The following CABIN1 variants were observed in gnomAD, a reference collection of about 807,000 sequenced individuals.
CABIN1 encodes the protein calcineurin-binding protein cabin-1.
Under a neutral mutation model 227.7 loss-of-function variants are expected in CABIN1, and 133 were observed. The ratio of observed to expected loss-of-function variants is 0.58; its 90% CI spans 0.51 to 0.67. The LOEUF is 0.67. Among genes scored for constraint, CABIN1 ranks in the 30% least tolerant of loss-of-function variants. CABIN1 has a pLI of 0.00. For synonymous variants in CABIN1, 1,086 were observed against 1,155.1 expected (o/e 0.94, Z 1.21); for missense variants, 2,408 against 2,852.5 (o/e 0.84, Z 3.55).
At chr22:24,028,018 A>G (rs929246240) in intron 1 of CABIN1, among the ~76,000 whole-genome samples, 16 of 152,106 alleles carry the variant, frequency 1.1e-4, no homozygotes, top group African/African-American at 3.9e-4. Context: ...AATAAAGTGA[A>G]TATCTATCAC....
intron 26 of CABIN1, 136 bp from the exon 27 acceptor site, chr22:24,113,430 G>A (rs1372468344): frequency 1.1e-5 from 9 of 837,706 alleles, no homozygotes; most frequent in South Asian, 2.7e-5. Flanking sequence ...CAGCAGTGTC[G>A]AATGGCTGTG....
intron 29 of CABIN1, among the ~76,000 whole-genome samples, chr22:24,154,402 G>T (rs1343878711): frequency 6.6e-6 from 1 of 152,314 alleles, no homozygotes; most frequent in East Asian, 1.9e-4. Context: ...CCAGTGTCCA[G>T]TGTTTCTGAA....
At chr22:24,051,657 T>G (rs539184673) in intron 8 of CABIN1, among the ~76,000 whole-genome samples, 2 of 152,306 alleles carry the variant, frequency 1.3e-5, no homozygotes, top group African/African-American at 4.8e-5. Context: ...CTGCCTACTC[T>G]GAGGGAGCTC....
At chr22:24,044,518 A>G (rs1226396788) in intron 6 of CABIN1, among the ~76,000 whole-genome samples, 2 of 152,310 alleles carry the variant, frequency 1.3e-5, no homozygotes, top group South Asian at 2.1e-4. Context: ...GGATAGACAG[A>G]ATTTTCTAAA....
chr22:24,067,632 G>A (rs148065248), intron 16 of CABIN1, among the ~76,000 whole-genome samples: 1 of 152,310 alleles, frequency 6.6e-6, no homozygotes, highest in African/African-American at 2.4e-5. Context: ...GAAACCTCGT[G>A]TGCCCTCCTG....
chr22:24,099,565 T>C (rs1436067147), intron 26 of CABIN1, among the ~76,000 whole-genome samples: 3 of 152,228 alleles, frequency 2.0e-5, no homozygotes, highest in Non-Finnish European at 4.4e-5. Context: ...TTCTGCAGAC[T>C]TTCCCTGTTA....
At chr22:24,045,659 G>A (rs2037817961) in intron 6 of CABIN1, among the ~76,000 whole-genome samples, 1 of 152,052 alleles carries the variant, frequency 6.6e-6, no homozygotes, top group South Asian at 2.1e-4. Context: ...TACAACAGCA[G>A]CCCACTTGTT....
chr22:24,042,830 G>GTGTGTGTGTT, intron 5 of CABIN1, 74 bp from the exon 6 acceptor site: 1 of 600,636 alleles, frequency 1.7e-6, no homozygotes, highest in East Asian at 3.2e-5. Flanking sequence ...GTGTGTGTGT[G>GTGTGTGTGTT]TGTGTGTGTG....
chr22:24,176,131 G>C lies in CABIN1; in HGVS notation c.6061G>C (p.Val2021Leu). Residue 2021 changes from valine to leucine, a missense_variant, in exon 35 of 37, where the codon GTG (valine) becomes CTG (leucine). By Grantham distance (32) the Val-to-Leu change is conservative (BLOSUM62 1). Around this residue, in one of 3 missense-constraint regions of CABIN1, gnomAD observed 714 missense variants for 773.8 expected, o/e 0.92. Transcript: ENST00000263119. The part of the protein sequence containing the change: ...LGPEGEELAR[V>L]AEGTSFPPQE... ...CACAGAGGGAGAAGAGCTGGCGAGA[G>C]TGGCAGAGGGCACCAGCTTCCCGCC... 1 of 1,610,964 alleles carries C rather than the reference G, an allele frequency of 6.2e-7. No individual in the cohort carries two copies. The highest frequency in any genetic ancestry group is 8.5e-7 in the Non-Finnish European group (1 of 1,179,226).
At position 24,060,350 on chromosome 22, in the gene CABIN1, G is replaced by A. The variant is rs1050765859; in HGVS notation, c.1617+209G>A. ...GATGGCTGAGTGGAGGATACACTTA[G>A]GGGTGAGAGTGGGCTCACGGGGCTA... On this transcript the variant is annotated intron_variant, in intron 12 of 36. Transcript: ENST00000263119. Among the ~76,000 whole-genome samples, 4 of 152,284 alleles carry A rather than the reference G, an allele frequency of 2.6e-5. No individual in the cohort carries two copies. In the South Asian group the frequency reaches 6.2e-4, roughly 24 times the overall value.
In CABIN1 at chr22:24,165,593, G is replaced by A. The variant is rs2046399371; in HGVS notation, c.4974G>A (p.Lys1658=). ...AGCGGGCCTTCATCCTCACTGTGAA[G>A]GTGCTCGAAGACACGCTGAGCGAGC... The part of the protein sequence containing the change: ...LAQRAFILTV[K]VLEDTLSELA... The change falls in exon 31 of 37, where the codon AAG becomes AAA. Residue 1658 remains lysine, a synonymous_variant. Transcript: ENST00000263119. The A allele has an allele frequency of 1.9e-6, 3 of 1,613,072 alleles. No individual in the cohort carries two copies. Among genetic ancestry groups the A allele is most frequent in the Admixed American group, 3.3e-5 (2 of 59,986 alleles).
chr22:24,115,857 T>C (rs1446001703), intron 27 of CABIN1, among the ~76,000 whole-genome samples: 1 of 152,202 alleles, frequency 6.6e-6, no homozygotes, highest in Admixed American at 6.5e-5. Flanking sequence ...TCCTCCATCA[T>C]TAATGTTGTG....
At chr22:24,131,403 T>C (rs990414813) in intron 28 of CABIN1, among the ~76,000 whole-genome samples, 3 of 152,190 alleles carry the variant, frequency 2.0e-5, no homozygotes, top group East Asian at 1.9e-4. Flanking sequence ...TGCCACAGCA[T>C]TGAGGCCAGG....
chr22:24,057,438 C>T (rs1214168496), intron 10 of CABIN1, among the ~76,000 whole-genome samples: 1 of 152,202 alleles, frequency 6.6e-6, no homozygotes, highest in Non-Finnish European at 1.5e-5. Flanking sequence ...TAACAGTTGG[C>T]TGGTACATTT....
intron 29 of CABIN1, among the ~76,000 whole-genome samples, chr22:24,151,109 T>C (rs548042250): frequency 3.9e-5 from 6 of 152,264 alleles, no homozygotes; most frequent in Admixed American, 3.9e-4. Flanking sequence ...CCGAACGCCC[T>C]TGGAGGTACC....
At position 24,064,038 on chromosome 22, in the gene CABIN1, G is replaced by C. The variant is rs769598667; in HGVS notation, c.1888G>C (p.Asp630His). 1.7e-5 allele frequency: 27 copies of C among 1,614,066 alleles called. No individual in the cohort carries two copies. In the South Asian group the frequency reaches 2.9e-4, roughly 17 times the overall value. The change falls in exon 15 of 37, where the codon GAC becomes CAC. Residue 630 changes from aspartate to histidine, a missense_variant. Transcript: ENST00000263119. Reference sequence around the variant, plus strand: ...GACCTGTTTTCCGTCTAACCAGGGAGACATGGAGCAGGCCCTGGAGAACTA... The same window carrying C: ...GACCTGTTTTCCGTCTAACCAGGGACACATGGAGCAGGCCCTGGAGAACTA... ...LKARFLALQGDMEQALENYDI... is the reference protein window; with the variant it reads ...LKARFLALQGHMEQALENYDI...
At position 24,178,151 on chromosome 22, in the gene CABIN1, G is replaced by A. The variant is rs1185118852; in HGVS notation, c.6618G>A (p.Ser2206=). ...EVLETSSQES[S]LESETDEDDD... ...TGGAGACATCCAGCCAGGAGTCCTCGCTGGAGAGCGAGACAGACGAGGACG... is the reference window on the plus strand; with the variant it reads ...TGGAGACATCCAGCCAGGAGTCCTCACTGGAGAGCGAGACAGACGAGGACG... The change falls in exon 37 of 37, where the codon TCG becomes TCA. Residue 2206 remains serine, a synonymous_variant. Transcript: ENST00000263119. The A allele has an allele frequency of 5.0e-6, 8 of 1,613,532 alleles. No individual in the cohort carries two copies. The highest frequency in any genetic ancestry group is 2.2e-5 in the South Asian group (2 of 91,090).
At chr22:24,058,899 T>A (rs1319748165) in intron 10 of CABIN1, among the ~76,000 whole-genome samples, 2 of 152,216 alleles carry the variant, frequency 1.3e-5, no homozygotes, top group African/African-American at 4.8e-5. Flanking sequence ...TGGCTGTGTC[T>A]CTCTAGAGGG....
At chr22:24,035,910 CT>C (rs61688464) in intron 2 of CABIN1, among the ~76,000 whole-genome samples, 178 bp from the exon 3 acceptor site, 1,883 of 110,128 alleles carry the variant, frequency 0.017, 59 homozygotes, top group East Asian at 0.17. Context: ...CCCCGCCCTT[CT>C]TTTTTTTTTT....
Sources: gnomAD v4.1 joint callset for allele counts (sites outside exome capture counted in the v4.1 genomes callset) on GRCh38, gnomAD v4.1.1 for gene constraint, gnomAD v4.1.1 regional missense constraint, MANE v1.5 for transcripts, NCBI Gene and HGNC (gene_info 2026-07-23, HGNC 2026-07-21) for gene names.